Variants in C1orf146 observed in about 807,000 individuals in gnomAD.
C1orf146 encodes protein SPO16 homolog.
In C1orf146, 22 loss-of-function variants were observed where a neutral mutation model predicts 23.0. That is an observed-to-expected ratio of 0.96 (90% CI 0.68 to 1.36). The LOEUF (loss-of-function observed/expected upper bound fraction) is 1.36. Ranked by LOEUF, C1orf146 falls within the 40% of genes most tolerant of loss-of-function variation. C1orf146 has a pLI of 0.00. For missense variants in C1orf146, 199 were observed against 206.8 expected, an observed-to-expected ratio of 0.96 and a Z score of 0.23; for synonymous variants, 59 against 65.3, an observed-to-expected ratio of 0.90 and a Z score of 0.47.
chr1:92,224,731 T>C (rs185552511), intron 1 of C1orf146, among the ~76,000 whole-genome samples: 3 of 152,304 alleles, frequency 2.0e-5, no homozygotes, highest in South Asian at 2.1e-4. Context: ...TTACTTTTTT[T>C]CCCATTGCTT....
chr1:92,229,067 G>C (rs552348479), intron 1 of C1orf146: 2 of 494,168 alleles, frequency 4.0e-6, no homozygotes, highest in Non-Finnish European at 8.0e-6. Context: ...ACTCCTGCTT[G>C]CTAGTGCACA....
chr1:92,220,658 C>T (rs928337066), intron 1 of C1orf146, among the ~76,000 whole-genome samples: 5 of 152,170 alleles, frequency 3.3e-5, no homozygotes, highest in Non-Finnish European at 5.9e-5. Context: ...AGTTAATATG[C>T]AATGCATGAC....
At position 92,219,714 on chromosome 1, in the gene C1orf146, G is replaced by T. The variant is rs78271323; in HGVS notation, c.-40+1666G>T. The stretch of plus-strand genomic sequence containing the variant: ...GCTGGAGTACAGTTGTTATTTACAG[G>T]TGCAAACATAATGCACTGCAGCCTC... On this transcript the variant is annotated intron_variant, in intron 1 of 5. Transcript: ENST00000370375. Among the ~76,000 whole-genome samples the T allele has an allele frequency of 2.5e-3, 379 of 151,912 alleles. 3 individuals carry two copies. Among genetic ancestry groups the T allele is most frequent in the South Asian group, 8.5e-3 (41 of 4,802 alleles).
intron 2 of C1orf146, among the ~76,000 whole-genome samples, chr1:92,238,172 C>A (rs535751868): frequency 5.3e-5 from 8 of 152,142 alleles, no homozygotes; most frequent in Non-Finnish European, 7.4e-5. Flanking sequence ...TGCCTGCCCC[C>A]ACAACCTGCA....
intron 1 of C1orf146, among the ~76,000 whole-genome samples, chr1:92,223,426 C>T (rs1016964553): frequency 1.3e-5 from 2 of 152,070 alleles, no homozygotes; most frequent in Non-Finnish European, 2.9e-5. Flanking sequence ...CTTTTTATGT[C>T]CTTATTTGCC....
intron 4 of C1orf146, 41 bp from the exon 5 acceptor site, chr1:92,244,738 C>A (rs1049001495): frequency 1.6e-6 from 2 of 1,261,234 alleles, no homozygotes; most frequent in South Asian, 1.3e-5. Flanking sequence ...GAACAGATGT[C>A]AGCAAGTTAT....
Position 92,218,902 on chromosome 1 carries a change from G to A in C1orf146, c.-40+854G>A, listed in dbSNP as rs1651751448. The stretch of plus-strand genomic sequence containing the variant: ...GAAATGCTGAGAAGGCACTGCCCCA[G>A]CCCCAGGTTTCTGATTCATTCCTCA... On this transcript the variant is annotated intron_variant, in intron 1 of 5. Coordinates refer to ENST00000370375, the MANE Select transcript of C1orf146 (RefSeq NM_001012425.2). 2.0e-5 allele frequency among the ~76,000 whole-genome samples: 3 copies of A among 152,298 alleles called. No individual in the cohort carries two copies. The South Asian group carries it at 6.2e-4, about 32-fold the overall frequency.
chr1:92,237,971 C>T (rs372575110), intron 2 of C1orf146, among the ~76,000 whole-genome samples: 6 of 152,132 alleles, frequency 3.9e-5, no homozygotes, highest in South Asian at 4.1e-4. Flanking sequence ...GCTCTGTCGC[C>T]GAGGCTGGAG....
intron 1 of C1orf146, among the ~76,000 whole-genome samples, chr1:92,230,823 A>T (rs561849382): frequency 6.6e-6 from 1 of 152,130 alleles, no homozygotes; most frequent in Non-Finnish European, 1.5e-5. Flanking sequence ...TATGTGAGAT[A>T]TATAGTATTT....
chr1:92,244,939 C>A, intron 5 of C1orf146, 82 bp downstream of exon 5: 3 of 791,440 alleles, frequency 3.8e-6, no homozygotes, highest in Non-Finnish European at 6.2e-6. Flanking sequence ...TTGAGCGAGA[C>A]TGGCAAATAT....
At position 92,245,655 on chromosome 1, in the gene C1orf146, A is replaced by G; in HGVS notation, c.524A>G (p.Asp175Gly). 2 of 1,584,398 alleles carry G rather than the reference A, an allele frequency of 1.3e-6. No homozygotes were observed. Among genetic ancestry groups the G allele is most frequent in the East Asian group, 2.3e-5 (1 of 43,440 alleles). Reference sequence around the variant, plus strand: ...CTTCAGAAGATAAAACTGAATAGTGATTCAGTTAACCCAAATTAGAGTACC... The same window carrying G: ...CTTCAGAAGATAAAACTGAATAGTGGTTCAGTTAACCCAAATTAGAGTACC... ...KTLQKIKLNS[D>G]SVNPN The change falls in exon 6 of 6, where the codon GAT becomes GGT. Residue 175 changes from aspartate to glycine, a missense_variant. Physicochemically the swap from Asp to Gly is moderately conservative, Grantham distance 94 (BLOSUM62 -1). Coordinates refer to ENST00000370375, the MANE Select transcript of C1orf146 (RefSeq NM_001012425.2).
chr1:92,220,509 A>G (rs896309102), intron 1 of C1orf146, among the ~76,000 whole-genome samples: 7 of 152,210 alleles, frequency 4.6e-5, no homozygotes, highest in African/African-American at 1.4e-4. Flanking sequence ...TGGGCTACAA[A>G]TATGTATAGT....
chr1:92,234,314 G>T (rs1010375739), intron 2 of C1orf146, among the ~76,000 whole-genome samples: 9 of 152,186 alleles, frequency 5.9e-5, no homozygotes, highest in Non-Finnish European at 1.0e-4. Flanking sequence ...AGAGTTTTTA[G>T]CATGAAGGGT....
At chr1:92,229,432 C>T (rs1237117009) in intron 1 of C1orf146, 12 of 524,374 alleles carry the variant, frequency 2.3e-5, no homozygotes, top group South Asian at 1.8e-4. Flanking sequence ...TAGCTCTTCT[C>T]CAGCTTTTTG....
chr1:92,231,601 G>A lies in C1orf146; in HGVS notation c.66+115G>A, dbSNP rs916939306. 3 of 606,772 alleles carry A rather than the reference G, an allele frequency of 4.9e-6. No homozygotes were observed. The African/African-American group carries it at 5.7e-5, about 12-fold the overall frequency. 37.6% of individuals were successfully genotyped at this position (606,772 alleles called of 1,614,324 possible). ...AATTATCCACAATTAATTGTGGGGA[G>A]CAGGAAGTACATAAGCTAAATGTAT... On this transcript the variant is annotated intron_variant, in intron 2 of 5. Coordinates refer to ENST00000370375, the MANE Select transcript of C1orf146 (RefSeq NM_001012425.2).
chr1:92,242,494 TTAAAA>T (rs1247591534), intron 3 of C1orf146, among the ~76,000 whole-genome samples, 189 bp downstream of exon 3: 5 of 152,198 alleles, frequency 3.3e-5, no homozygotes, highest in African/African-American at 1.2e-4. Context: ...ATTACAATTG[TTAAAA>T]TAAAGCTGAA....
chr1:92,221,099 C>A (rs1460631730), intron 1 of C1orf146, among the ~76,000 whole-genome samples: 1 of 152,094 alleles, frequency 6.6e-6, no homozygotes, highest in Non-Finnish European at 1.5e-5. Flanking sequence ...TAAATTAAAT[C>A]ATGACTTGGA....
chr1:92,244,137 A>G lies in C1orf146; in HGVS notation c.161-80A>G. On this transcript the variant is annotated intron_variant, in intron 3 of 5. Transcript: ENST00000370375. ...TTGGACACATGTGGTATACTTAGTTATTTTGGTTGATTTTGAGTTTATAAC... is the reference window on the plus strand; with the variant it reads ...TTGGACACATGTGGTATACTTAGTTGTTTTGGTTGATTTTGAGTTTATAAC... 3 of 918,408 alleles carry G rather than the reference A, an allele frequency of 3.3e-6. No individual in the cohort carries two copies. In the East Asian group the frequency reaches 7.4e-5, roughly 23 times the overall value. 56.9% of individuals were successfully genotyped at this position (918,408 alleles called of 1,614,324 possible).
chr1:92,224,028 ATTT>A (rs964099267), intron 1 of C1orf146, among the ~76,000 whole-genome samples: 1 of 133,222 alleles, frequency 7.5e-6, no homozygotes, highest in Non-Finnish European at 1.6e-5. Flanking sequence ...TTATTTATTT[ATTT>A]ATTTATTTAT....
Sources: gnomAD v4.1 joint callset for allele counts (sites outside exome capture counted in the v4.1 genomes callset) on GRCh38, gnomAD v4.1.1 for gene constraint, MANE v1.5 for transcripts, NCBI Gene and HGNC (gene_info 2026-07-23, HGNC 2026-07-21) for gene names.